Variants in HECW2 observed in about 807,000 individuals in gnomAD.
HECW2 encodes E3 ubiquitin-protein ligase HECW2.
HECW2 carries 61 observed loss-of-function variants against 175.2 expected under a neutral mutation model. That is an observed-to-expected ratio of 0.35 (90% confidence interval 0.28 to 0.43). The LOEUF is 0.43. Ranked by LOEUF, HECW2 falls within the 20% of genes least tolerant of loss-of-function variation. HECW2 has a pLI of 1.00. For synonymous variants in HECW2, 671 were observed against 731.0 expected, an observed-to-expected ratio of 0.92 and a Z score of 1.32; for missense variants, 1,524 against 2,000.5, an observed-to-expected ratio of 0.76 and a Z score of 4.54.
intron 1 of HECW2, among the ~76,000 whole-genome samples, chr2:196,489,583 G>C (rs576085958): frequency 2.6e-5 from 4 of 152,110 alleles, no homozygotes; most frequent in Admixed American, 2.0e-4. Flanking sequence ...CATCCCTGGC[G>C]TGTGAAGGAA....
intron 1 of HECW2, among the ~76,000 whole-genome samples, chr2:196,442,708 A>C (rs545550326): frequency 2.0e-5 from 3 of 152,356 alleles, no homozygotes; most frequent in Non-Finnish European, 4.4e-5. Context: ...CAATATAATT[A>C]AATTGTGTTA....
In HECW2 at chr2:196,489,130, G is replaced by A. The variant is rs143172632; in HGVS notation, c.-35-55672C>T. The stretch of plus-strand genomic sequence containing the variant: ...TCTCAAAAAACATGGAATTTACAGA[G>A]GTAATAAGTCCTTGGCATTGTTTTG... On this transcript the variant is annotated intron_variant, in intron 1 of 28. Transcript: ENST00000644978. Among the ~76,000 whole-genome samples, 178 of 152,246 alleles carry A rather than the reference G, an allele frequency of 1.2e-3. 2 individuals carry two copies. In the East Asian group the frequency reaches 0.029, roughly 25 times the overall value.
intron 2 of HECW2, among the ~76,000 whole-genome samples, chr2:196,396,140 C>T (rs73047123): frequency 0.18 from 27,778 of 151,986 alleles, 3,428 homozygotes; most frequent in African/African-American, 0.35. Flanking sequence ...TTGTATGATT[C>T]CACATACATG....
At position 196,332,946 on chromosome 2, in the gene HECW2, A is replaced by C. The variant is rs1052853957; in HGVS notation, c.495+1478T>G. On this transcript the variant is annotated intron_variant, in intron 4 of 28. Transcript: ENST00000644978. ...TATGTTCTACACTATGTTTACTACA[A>C]TGGAAACTCAAATATAATTCTAATG... 2.0e-5 allele frequency among the ~76,000 whole-genome samples: 3 copies of C among 152,278 alleles called. No individual in the cohort carries two copies. In the East Asian group the frequency reaches 5.8e-4, roughly 29 times the overall value.
chr2:196,385,777 T>C (rs1255731360), intron 2 of HECW2, among the ~76,000 whole-genome samples: 1 of 152,210 alleles, frequency 6.6e-6, no homozygotes, highest in Non-Finnish European at 1.5e-5. Flanking sequence ...TTGTCTAGAT[T>C]AAAATAACTA....
At chr2:196,435,246 T>C (rs1349165456) in intron 1 of HECW2, among the ~76,000 whole-genome samples, 2 of 152,374 alleles carry the variant, frequency 1.3e-5, no homozygotes, top group East Asian at 1.9e-4. Context: ...ATGTGGTCTA[T>C]GGTAACTCTG....
At chr2:196,334,603 C>T (rs963499114) in intron 3 of HECW2, 85 bp from the exon 4 acceptor site, 1 of 1,032,328 alleles carries the variant, frequency 9.7e-7, no homozygotes, top group East Asian at 2.6e-5. Context: ...CATACCACCT[C>T]TCAGGGAATC....
chr2:196,570,045 A>T (rs139498116), intron 1 of HECW2, among the ~76,000 whole-genome samples: 2 of 152,376 alleles, frequency 1.3e-5, no homozygotes, highest in Non-Finnish European at 2.9e-5. Flanking sequence ...TTCTGAAAAT[A>T]AAAGACACAA....
chr2:196,466,014 T>C (rs1016997135), intron 1 of HECW2, among the ~76,000 whole-genome samples: 1 of 152,208 alleles, frequency 6.6e-6, no homozygotes, highest in Non-Finnish European at 1.5e-5. Flanking sequence ...AACCTTTTAA[T>C]TGTTTCTCTA....
chr2:196,276,036 TAGTC>T (rs748854355), intron 15 of HECW2, among the ~76,000 whole-genome samples: 5 of 152,234 alleles, frequency 3.3e-5, no homozygotes, highest in African/African-American at 4.8e-5. Context: ...TACAGATTGT[TAGTC>T]AGATAACTTA....
chr2:196,257,274 G>A (rs1689092898), intron 18 of HECW2, among the ~76,000 whole-genome samples: 1 of 123,864 alleles, frequency 8.1e-6, no homozygotes, highest in African/African-American at 2.7e-5. Context: ...AACCATTGGA[G>A]GGTGAGGGGC....
chr2:196,392,108 A>C (rs1694529410), intron 2 of HECW2, among the ~76,000 whole-genome samples: 1 of 152,208 alleles, frequency 6.6e-6, no homozygotes, highest in African/African-American at 2.4e-5. Context: ...TATTCAAAGC[A>C]CTACACATAT....
At chr2:196,306,368 G>T in intron 13 of HECW2, 120 bp downstream of exon 13, 1 of 1,075,564 alleles carries the variant, frequency 9.3e-7, no homozygotes, top group Non-Finnish European at 1.3e-6. Context: ...CACAAAGCTT[G>T]GAACACACTA....
chr2:196,390,953 T>G (rs1336055524), intron 2 of HECW2, among the ~76,000 whole-genome samples: 1 of 152,134 alleles, frequency 6.6e-6, no homozygotes, highest in African/African-American at 2.4e-5. Flanking sequence ...CTCATTGGCA[T>G]TGGCTGGTTA....
chr2:196,415,612 C>CG (rs1553515225), intron 2 of HECW2, among the ~76,000 whole-genome samples: 1 of 730 alleles, frequency 1.4e-3, no homozygotes. Flanking sequence ...GCTGAGCTTT[C>CG]GTGCATGACA....
intron 16 of HECW2, 134 bp downstream of exon 16, chr2:196,273,887 T>G: frequency 1.7e-6 from 1 of 599,430 alleles, no homozygotes; most frequent in Non-Finnish European, 3.0e-6. Flanking sequence ...TATACATTTC[T>G]TAAGGATAAT....
chr2:196,272,065 C>A (rs942091319), intron 16 of HECW2, among the ~76,000 whole-genome samples: 7 of 152,002 alleles, frequency 4.6e-5, no homozygotes, highest in African/African-American at 9.7e-5. Flanking sequence ...AATGAAAAAC[C>A]ATCTTCTGAT....
chr2:196,340,244 T>C, intron 3 of HECW2, among the ~76,000 whole-genome samples: 1 of 152,156 alleles, frequency 6.6e-6, no homozygotes, highest in Non-Finnish European at 1.5e-5. Context: ...CTCCAGAGAT[T>C]CAACCAACAT....
chr2:196,262,777 T>C (rs1446557752), intron 17 of HECW2, among the ~76,000 whole-genome samples: 1 of 151,992 alleles, frequency 6.6e-6, no homozygotes, highest in African/African-American at 2.4e-5. Context: ...GTTGGCCAGG[T>C]GAACTCCTGA....
Sources: allele counts gnomAD v4.1 joint callset (sites outside exome capture counted in the v4.1 genomes callset), GRCh38; gene constraint gnomAD v4.1.1; transcripts MANE v1.5; gene names NCBI Gene and HGNC (gene_info 2026-07-23, HGNC 2026-07-21).